The following SLC6A11 variants were observed in gnomAD, a reference collection of about 807,000 sequenced individuals.
SLC6A11 encodes sodium- and chloride-dependent GABA transporter 3.
Under a neutral mutation model 74.8 loss-of-function variants are expected in SLC6A11, and 25 were observed. That is an observed-to-expected ratio of 0.33 (90% confidence interval 0.24 to 0.47). The LOEUF (loss-of-function observed/expected upper bound fraction) is 0.47. SLC6A11 is among the 20% of genes least tolerant of loss of function. The pLI is 1.00. For synonymous variants in SLC6A11, 330 were observed against 330.2 expected (o/e 1.00, Z 0.01); for missense variants, 574 against 837.0 (o/e 0.69, Z 3.88).
intron 4 of SLC6A11, among the ~76,000 whole-genome samples, chr3:10,839,835 C>T (rs779939999): frequency 7.9e-5 from 12 of 152,146 alleles, no homozygotes; most frequent in East Asian, 1.9e-4. Flanking sequence ...TCTTGCTCAG[C>T]GAAAGACCCA....
chr3:10,922,353 C>A (rs978973972), intron 8 of SLC6A11, among the ~76,000 whole-genome samples: 4 of 152,160 alleles, frequency 2.6e-5, no homozygotes, highest in Non-Finnish European at 5.9e-5. Context: ...CAAGATTTGA[C>A]ACCCATTTAC....
chr3:10,903,921 C>A (rs548892423), intron 6 of SLC6A11, among the ~76,000 whole-genome samples: 1 of 152,344 alleles, frequency 6.6e-6, no homozygotes, highest in Non-Finnish European at 1.5e-5. Flanking sequence ...AGAAGTAAAG[C>A]TTTCTCCCCC....
rs1026990154 is a variant in SLC6A11 at position 10,918,720 on chromosome 3, C to G, written c.1120+267C>G. ...TCATTTCTCCCAAGCTTCACCGTCT[C>G]CCCACTAGCCCGGACCACCATCACT... On this transcript the variant is annotated intron_variant, in intron 8 of 13. Coordinates refer to ENST00000254488, the MANE Select transcript of SLC6A11 (RefSeq NM_014229.3). This position sits in a 1 kb window ranked among gnomAD's most constrained non-coding sequence, Gnocchi z 4.5. 3.3e-5 allele frequency among the ~76,000 whole-genome samples: 5 copies of G among 152,158 alleles called. No individual in the cohort carries two copies. Among genetic ancestry groups the G allele is most frequent in the Admixed American group, 2.6e-4 (4 of 15,286 alleles).
At chr3:10,882,336 G>C (rs1394470108) in intron 6 of SLC6A11, among the ~76,000 whole-genome samples, 2 of 152,248 alleles carry the variant, frequency 1.3e-5, no homozygotes, top group East Asian at 3.9e-4. Flanking sequence ...CGCCCGACCG[G>C]TGCAGTCACA....
chr3:10,845,136 G>A (rs535489545), intron 5 of SLC6A11, among the ~76,000 whole-genome samples: 4 of 152,318 alleles, frequency 2.6e-5, no homozygotes, highest in African/African-American at 7.2e-5. Flanking sequence ...GGAAGAATTC[G>A]TTGACAACAT....
At chr3:10,928,610 G>A (rs1695641942) in intron 9 of SLC6A11, among the ~76,000 whole-genome samples, 1 of 152,162 alleles carries the variant, frequency 6.6e-6, no homozygotes, top group South Asian at 2.1e-4. Context: ...TGCATCGTTT[G>A]GCTGGGGCCC....
At chr3:10,868,936 ATC>A in intron 5 of SLC6A11, among the ~76,000 whole-genome samples, 1 of 152,194 alleles carries the variant, frequency 6.6e-6, no homozygotes, top group South Asian at 2.1e-4. Context: ...GCCTCTGAAA[ATC>A]TGATTCAATT....
intron 4 of SLC6A11, among the ~76,000 whole-genome samples, chr3:10,834,658 C>G (rs1021040050): frequency 2.0e-5 from 3 of 152,174 alleles, no homozygotes; most frequent in African/African-American, 7.2e-5. Context: ...GTGCTTTGCG[C>G]TCTTCTCACT....
intron 6 of SLC6A11, among the ~76,000 whole-genome samples, chr3:10,887,138 T>C (rs1695053978): frequency 6.7e-6 from 1 of 149,672 alleles, no homozygotes; most frequent in East Asian, 2.0e-4. Context: ...GATGCACAGA[T>C]AGATGATAGA....
At chr3:10,873,820 A>G (rs1694871861) in intron 5 of SLC6A11, among the ~76,000 whole-genome samples, 1 of 151,888 alleles carries the variant, frequency 6.6e-6, no homozygotes, top group Non-Finnish European at 1.5e-5. Flanking sequence ...ATCCTATCCT[A>G]TCCTATCCTA....
At chr3:10,899,428 C>T (rs1695210621) in intron 6 of SLC6A11, among the ~76,000 whole-genome samples, 2 of 152,230 alleles carry the variant, frequency 1.3e-5, no homozygotes, top group Admixed American at 1.3e-4. Flanking sequence ...TATCTTCCTG[C>T]ATCCTTGGTA....
chr3:10,867,207 T>C (rs1213355292), intron 5 of SLC6A11, among the ~76,000 whole-genome samples: 1 of 152,090 alleles, frequency 6.6e-6, no homozygotes, highest in Non-Finnish European at 1.5e-5. Context: ...CTGCCAAATG[T>C]CAGGCAAGCT....
chr3:10,930,652 G>A (rs1465637197), intron 10 of SLC6A11, among the ~76,000 whole-genome samples: 1 of 152,172 alleles, frequency 6.6e-6, no homozygotes, highest in African/African-American at 2.4e-5. Context: ...TTAGCCTGAT[G>A]CGTTAAAGAG....
intron 6 of SLC6A11, among the ~76,000 whole-genome samples, chr3:10,881,376 A>C (rs1267305459): frequency 6.6e-6 from 1 of 152,212 alleles, no homozygotes; most frequent in Non-Finnish European, 1.5e-5. Context: ...AGATAACGCC[A>C]CTACACTCCA....
chr3:10,904,417 T>C (rs1340758420), intron 6 of SLC6A11, among the ~76,000 whole-genome samples: 1 of 152,204 alleles, frequency 6.6e-6, no homozygotes. Context: ...CCTGTTCCCA[T>C]GCAAATCTGT....
intron 4 of SLC6A11, among the ~76,000 whole-genome samples, chr3:10,831,777 T>A (rs1474475657): frequency 6.6e-6 from 1 of 152,248 alleles, no homozygotes; most frequent in Non-Finnish European, 1.5e-5. Flanking sequence ...CCTGTTTGTG[T>A]AACGAATCCC....
intron 5 of SLC6A11, among the ~76,000 whole-genome samples, chr3:10,863,474 A>G (rs992059055): frequency 6.6e-6 from 1 of 152,224 alleles, no homozygotes; most frequent in African/African-American, 2.4e-5. Flanking sequence ...GAAAGATAAT[A>G]GCTTGCCAAA....
At chr3:10,913,075 A>T (rs1370446860) in intron 7 of SLC6A11, among the ~76,000 whole-genome samples, 1 of 148,238 alleles carries the variant, frequency 6.7e-6, no homozygotes, top group Admixed American at 6.8e-5. Flanking sequence ...TTTTTTTAAC[A>T]AATGGTTCTG....
At chr3:10,832,553 T>G (rs1694311127) in intron 4 of SLC6A11, among the ~76,000 whole-genome samples, 2 of 152,242 alleles carry the variant, frequency 1.3e-5, no homozygotes, top group African/African-American at 2.4e-5. Flanking sequence ...GAAAACACAA[T>G]AGGCATATAA....
Sources: gnomAD v4.1 joint callset for allele counts (sites outside exome capture counted in the v4.1 genomes callset) on GRCh38, gnomAD v4.1.1 for gene constraint, Gnocchi (gnomAD v3.1) non-coding constraint, MANE v1.5 for transcripts, NCBI Gene and HGNC (gene_info 2026-07-23, HGNC 2026-07-21) for gene names.